BTNL8: variants seen among roughly 807,000 people sequenced by gnomAD.
BTNL8 encodes the protein butyrophilin like 8.
Under a neutral mutation model 36.1 loss-of-function variants are expected in BTNL8, and 22 were observed. The ratio of observed to expected loss-of-function variants is 0.61; its 90% confidence interval spans 0.44 to 0.87. The LOEUF is 0.87. Ranked by LOEUF, BTNL8 falls within the 40% of genes least tolerant of loss-of-function variation. The pLI, the probability that BTNL8 is intolerant of heterozygous loss-of-function variation, is 0.00. For synonymous variants in BTNL8, 203 were observed against 235.6 expected (o/e 0.86, Z 1.27); for missense variants, 526 against 616.9 (o/e 0.85, Z 1.56).
intron 1 of BTNL8, among the ~76,000 whole-genome samples, chr5:180,905,914 A>T (rs1757058814): frequency 1.5e-5 from 2 of 136,026 alleles, no homozygotes; most frequent in South Asian, 4.3e-4. Flanking sequence ...CTGTTCTTTT[A>T]CATTTGCTGA....
intron 3 of BTNL8, among the ~76,000 whole-genome samples, chr5:180,946,381 G>A (rs1759248870): frequency 6.6e-6 from 1 of 152,084 alleles, no homozygotes; most frequent in Non-Finnish European, 1.5e-5. Context: ...TCAGATGAAT[G>A]GATAAAGAAA....
At chr5:180,900,542 C>T (rs1295633183) in intron 1 of BTNL8, among the ~76,000 whole-genome samples, 1 of 152,110 alleles carries the variant, frequency 6.6e-6, no homozygotes, top group African/African-American at 2.4e-5. Context: ...AAGGGCTGGC[C>T]GGAGAAATGG....
chr5:180,929,128 T>C (rs1203142592), intron 3 of BTNL8, among the ~76,000 whole-genome samples: 1 of 152,178 alleles, frequency 6.6e-6, no homozygotes, highest in East Asian at 1.9e-4. Flanking sequence ...CGGACCACAG[T>C]GCAATCAAAT....
Position 180,911,322 on chromosome 5 carries a change from C to G in BTNL8, c.398-17C>G, listed in dbSNP as rs1252661992. 1.9e-6 allele frequency: 3 copies of G among 1,612,598 alleles called. No homozygotes were observed. The South Asian group carries it at 3.3e-5, about 18-fold the overall frequency. Reference sequence around the variant, plus strand: ...GATGTGATCTTTGCTTTCAACCGTTCCCTGTTTTCTCCCCAGCACTGGGCT... The same window carrying G: ...GATGTGATCTTTGCTTTCAACCGTTGCCTGTTTTCTCCCCAGCACTGGGCT... On this transcript the variant is annotated splice_polypyrimidine_tract_variant and intron_variant, in intron 2 of 7. Transcript: ENST00000340184.
At chr5:180,929,543 T>C (rs1758267885) in intron 3 of BTNL8, among the ~76,000 whole-genome samples, 1 of 139,872 alleles carries the variant, frequency 7.1e-6, no homozygotes, top group African/African-American at 3.2e-5. Flanking sequence ...TTTGAAAAGA[T>C]TAACAAAATA....
At chr5:180,949,611 G>A in intron 7 of BTNL8, 1 of 527,452 alleles carries the variant, frequency 1.9e-6, no homozygotes, top group South Asian at 2.1e-5. Context: ...TTAGATAGTG[G>A]GGTCCCTCCA....
intron 1 of BTNL8, among the ~76,000 whole-genome samples, chr5:180,908,092 G>A (rs931608456): frequency 1.3e-5 from 2 of 152,226 alleles, no homozygotes; most frequent in African/African-American, 4.8e-5. Flanking sequence ...GGGCAATGGC[G>A]GGCGCCCCTC....
Position 180,946,847 on chromosome 5 carries a change from T to A in BTNL8, c.674-665T>A, listed in dbSNP as rs545116585. On this transcript the variant is annotated intron_variant, in intron 3 of 7. Transcript: ENST00000340184. ...AATCATTCCACATTGTAGGCATGTA[T>A]CAAAGAGTCACACCGTACCCATTAA... is the stretch of plus-strand genomic sequence containing the variant. 1.6e-4 allele frequency among the ~76,000 whole-genome samples: 25 copies of A among 151,938 alleles called. No individual in the cohort carries two copies. In the South Asian group the frequency reaches 5.2e-3, roughly 32 times the overall value.
intron 1 of BTNL8, among the ~76,000 whole-genome samples, chr5:180,901,019 G>T (rs1269333636): frequency 6.6e-6 from 1 of 152,214 alleles, no homozygotes; most frequent in East Asian, 1.9e-4. Flanking sequence ...CTGTCAGCAG[G>T]CAGGGAAATG....
chr5:180,950,060 A>G lies in BTNL8; in HGVS notation c.1019A>G (p.Lys340Arg). 6.8e-7 allele frequency: 1 copy of G among 1,462,608 alleles called. No individual in the cohort carries two copies. The highest frequency in any genetic ancestry group is 9.4e-7 in the Non-Finnish European group (1 of 1,058,630). 90.6% of individuals were successfully genotyped at this position (1,462,608 alleles called of 1,614,324 possible). A position where few individuals can be genotyped will look rare whatever the true frequency, so the allele number is the denominator to read the frequency against. Residue 340 changes from lysine (K) to arginine (R), a missense_variant, in exon 8 of 8, where the codon AAA (lysine) becomes AGA (arginine). Lys to Arg is a conservative substitution (Grantham distance 26). This residue lies in a region of BTNL8 where 176 missense variants were observed against 292.3 expected (regional missense o/e 0.60). Coordinates refer to ENST00000340184, the MANE Select transcript of BTNL8 (RefSeq NM_001040462.3). ...VVASQSFQAG[K>R]HYWEVDGGHN... ...GCTTCTCAGAGTTTCCAAGCAGGGA[A>G]ACATTACTGGGAGGTGGACGGAGGA...
Position 180,949,282 on chromosome 5 carries a change from G to C in BTNL8, c.862+17G>C, listed in dbSNP as rs757458998. 2.1e-6 allele frequency: 3 copies of C among 1,461,384 alleles called. No homozygotes were observed. In the East Asian group the frequency reaches 7.3e-5, roughly 36 times the overall value. 90.5% of individuals were successfully genotyped at this position (1,461,384 alleles called of 1,614,324 possible). A position where few individuals can be genotyped will look rare whatever the true frequency, so the allele number is the denominator to read the frequency against. On this transcript the variant is annotated intron_variant, in intron 7 of 7. Coordinates refer to ENST00000340184, the MANE Select transcript of BTNL8 (RefSeq NM_001040462.3). ...AACACGCAGGTACCAACGCCTGAGA[G>C]GGTGACAGTGGGACAGAATCTCAGG...
chr5:180,900,152 G>A (rs36063373), intron 1 of BTNL8, among the ~76,000 whole-genome samples: 12,154 of 152,190 alleles, frequency 0.08, 1,422 homozygotes, highest in African/African-American at 0.25. Context: ...AACAGGAGAC[G>A]CTCTCGTTTC....
intron 5 of BTNL8, chr5:180,948,627 G>C: frequency 6.0e-6 from 6 of 997,404 alleles, no homozygotes; most frequent in Non-Finnish European, 8.6e-6. Flanking sequence ...TTGGTTTGCT[G>C]TGTGTGTGGT....
rs1457195766 is a variant in BTNL8, at chr5:180,935,199, C to T, written c.674-12313C>T. On this transcript the variant is annotated intron_variant, in intron 3 of 7. Transcript: ENST00000340184. This position sits in a 1 kb window ranked among gnomAD's most constrained non-coding sequence, Gnocchi z 4.8. ...ATAAATTCTGACTCCAGGCAGTGGA[C>T]TCCACCCGGAACTGGCAGCCCAGCC... Among the ~76,000 whole-genome samples, 1 of 152,292 alleles carries T rather than the reference C, an allele frequency of 6.6e-6. No individual in the cohort carries two copies. The highest frequency in any genetic ancestry group is 2.4e-5 in the African/African-American group (1 of 41,556).
intron 2 of BTNL8, chr5:180,909,718 A>G: frequency 4.1e-6 from 1 of 245,132 alleles, no homozygotes; most frequent in African/African-American, 2.4e-5. Flanking sequence ...ATCTCTATTA[A>G]AAAAAAAAAA....
intron 1 of BTNL8, among the ~76,000 whole-genome samples, chr5:180,908,185 T>C (rs9687558): frequency 0.39 from 58,562 of 152,086 alleles, 12,936 homozygotes; most frequent in African/African-American, 0.61. Flanking sequence ...TAGGACCCTC[T>C]GAGCCAGGTG....
chr5:180,914,087 G>T (rs747466191), intron 3 of BTNL8, among the ~76,000 whole-genome samples: 2 of 152,222 alleles, frequency 1.3e-5, no homozygotes, highest in Admixed American at 1.3e-4. Context: ...TATGGTTTTA[G>T]TGTTGTGTCT....
chr5:180,924,631 A>G (rs577330209), intron 3 of BTNL8, among the ~76,000 whole-genome samples: 14 of 152,368 alleles, frequency 9.2e-5, no homozygotes, highest in African/African-American at 3.1e-4. Flanking sequence ...CAGTTGGCCT[A>G]TTCAGAATCC....
rs559900631 is a variant in BTNL8, at chr5:180,948,220, G to A, written c.788-135G>A. ...CACTCCGTGCAGGAGCTGGGGAGAC[G>A]AGCACATATAAGTGTCCTAGGAGAG... On this transcript the variant is annotated intron_variant, in intron 4 of 7. Transcript: ENST00000340184. 1.4e-4 allele frequency: 172 copies of A among 1,271,002 alleles called. 5 individuals are homozygous for A. The highest frequency in any genetic ancestry group is 1.3e-3 in the South Asian group (104 of 78,970). 78.7% of individuals were successfully genotyped at this position (1,271,002 alleles called of 1,614,324 possible). A position where few individuals can be genotyped will look rare whatever the true frequency, so the allele number is the denominator to read the frequency against.
Sources: allele counts gnomAD v4.1 joint callset (sites outside exome capture counted in the v4.1 genomes callset), GRCh38; gene constraint gnomAD v4.1.1; regional missense constraint gnomAD v4.1.1; non-coding constraint Gnocchi (gnomAD v3.1); transcripts MANE v1.5; gene names NCBI Gene and HGNC (gene_info 2026-07-23, HGNC 2026-07-21).